The following PRLR variants were observed in gnomAD, a reference collection of about 807,000 sequenced individuals.
PRLR encodes the protein prolactin receptor, also known as hPRL receptor.
Under a neutral mutation model 40.2 loss-of-function variants are expected in PRLR, and 13 were observed. The ratio of observed to expected loss-of-function variants is 0.32; its 90% CI spans 0.21 to 0.51. PRLR has a LOEUF of 0.51. PRLR is among the 20% of genes least tolerant of loss of function. PRLR has a pLI of 0.97. For synonymous variants in PRLR, 269 were observed against 278.7 expected (o/e 0.97, Z 0.35); for missense variants, 656 against 747.3 (o/e 0.88, Z 1.42).
chr5:35,102,107 C>T (rs533818546), intron 2 of PRLR, among the ~76,000 whole-genome samples: 7 of 152,178 alleles, frequency 4.6e-5, no homozygotes, highest in South Asian at 2.1e-4. Context: ...TGATTACAGA[C>T]GTGAGCCACC....
At position 35,056,049 on chromosome 5, in the gene PRLR, T is replaced by A. The variant is rs1403650643; in HGVS notation, c.*9040A>T. On this transcript the variant is annotated 3_prime_UTR_variant, in exon 10 of 10. Coordinates refer to ENST00000618457, the MANE Select transcript of PRLR (RefSeq NM_000949.7). ...CATGCGGTGTTTTATTTGACCCACATCCTCTTTCCTTTTCTTAAGAAAATA... is the reference window on the plus strand; with the variant it reads ...CATGCGGTGTTTTATTTGACCCACAACCTCTTTCCTTTTCTTAAGAAAATA... 6.6e-6 allele frequency: 1 copy of A among 152,214 alleles called. No individual in the cohort carries two copies. The highest frequency in any genetic ancestry group is 1.5e-5 in the Non-Finnish European group (1 of 68,036). The allele number at this position is 152,214 out of a possible 1,614,324, so 9.4% of individuals were successfully genotyped here.
chr5:35,105,727 G>A (rs528753871), intron 2 of PRLR, among the ~76,000 whole-genome samples: 2 of 152,330 alleles, frequency 1.3e-5, no homozygotes, highest in African/African-American at 4.8e-5. Context: ...GGGACTATGT[G>A]AAAAGACCAA....
intron 1 of PRLR, among the ~76,000 whole-genome samples, chr5:35,221,034 C>T (rs1776403761): frequency 6.6e-6 from 1 of 152,138 alleles, no homozygotes; most frequent in Non-Finnish European, 1.5e-5. Context: ...ATGAGTACCC[C>T]AGCCTACTCT....
chr5:35,181,452 G>GTGTC (rs1775294686), intron 1 of PRLR, among the ~76,000 whole-genome samples: 1 of 152,162 alleles, frequency 6.6e-6, no homozygotes, highest in Non-Finnish European at 1.5e-5. Context: ...ATTATATCAT[G>GTGTC]TGTCCATTAA....
At chr5:35,131,752 G>A (rs1190211252) in intron 1 of PRLR, among the ~76,000 whole-genome samples, 1 of 152,144 alleles carries the variant, frequency 6.6e-6, no homozygotes, top group Admixed American at 6.5e-5. Flanking sequence ...AGGCTCAAGT[G>A]AAGTTATCAC....
At chr5:35,150,299 AT>A (rs1266877383) in intron 1 of PRLR, among the ~76,000 whole-genome samples, 1 of 152,160 alleles carries the variant, frequency 6.6e-6, no homozygotes, top group Non-Finnish European at 1.5e-5. Flanking sequence ...TCAGAAACAC[AT>A]TTTTTTCTAA....
At chr5:35,151,978 T>C (rs1774354635) in intron 1 of PRLR, among the ~76,000 whole-genome samples, 1 of 152,230 alleles carries the variant, frequency 6.6e-6, no homozygotes, top group Admixed American at 6.5e-5. Context: ...TGGGCTTGTT[T>C]GTTACCACAC....
chr5:35,068,772 G>T lies in PRLR; in HGVS notation c.785+7C>A. On this transcript the variant is annotated splice_region_variant and intron_variant, in intron 8 of 9. Transcript: ENST00000618457. ...TTGGGAGGAAAAGTTGAGAGACAGT[G>T]AAGTACCTATAGCCCTTCAAAGCCA... 1 of 1,576,354 alleles carries T rather than the reference G, an allele frequency of 6.3e-7. No individual in the cohort carries two copies. Among genetic ancestry groups the T allele is most frequent in the Non-Finnish European group, 8.7e-7 (1 of 1,146,952 alleles).
In PRLR at chr5:35,057,165, T is replaced by C. The variant is rs529821323; in HGVS notation, c.*7924A>G. On this transcript the variant is annotated 3_prime_UTR_variant, in exon 10 of 10. Transcript: ENST00000618457. ...CTTATTGGATCTCCTTGTATCTGGT[T>C]CCATCTCCCCTCATTTTTCTCAGCC... 8.5e-5 allele frequency: 13 copies of C among 152,192 alleles called. No homozygotes were observed. Among genetic ancestry groups the C allele is most frequent in the Non-Finnish European group, 1.8e-4 (12 of 68,030 alleles). 9.4% of individuals were successfully genotyped at this position (152,192 alleles called of 1,614,324 possible).
intron 3 of PRLR, among the ~76,000 whole-genome samples, chr5:35,087,422 TTGTGTG>T (rs10691744): frequency 7.9e-4 from 112 of 140,924 alleles, no homozygotes; most frequent in African/African-American, 2.7e-3. Flanking sequence ...TCTCTTTCCT[TTGTGTG>T]TGTGTGTGTG....
intron 1 of PRLR, among the ~76,000 whole-genome samples, chr5:35,124,408 G>T (rs1156530463): frequency 1.3e-5 from 2 of 152,028 alleles, no homozygotes; most frequent in African/African-American, 2.4e-5. Flanking sequence ...AATCCTAGAG[G>T]GGTTAGCAAC....
intron 2 of PRLR, among the ~76,000 whole-genome samples, chr5:35,113,192 A>G (rs1032381629): frequency 2.1e-5 from 3 of 144,092 alleles, no homozygotes; most frequent in Non-Finnish European, 4.5e-5. Flanking sequence ...CCACCCATCT[A>G]TCCATCCATC....
At chr5:35,229,825 T>C (rs1257658649) in intron 1 of PRLR, among the ~76,000 whole-genome samples, 1 of 152,114 alleles carries the variant, frequency 6.6e-6, no homozygotes, top group Non-Finnish European at 1.5e-5. Context: ...TCACATCACC[T>C]GTCTGCGCCC....
chr5:35,219,606 C>T (rs1439767305), intron 1 of PRLR, among the ~76,000 whole-genome samples: 4 of 152,110 alleles, frequency 2.6e-5, no homozygotes, highest in Admixed American at 2.0e-4. Context: ...GCCAAAGTGT[C>T]AAAACACTCA....
intron 1 of PRLR, among the ~76,000 whole-genome samples, chr5:35,161,646 G>A (rs1286894829): frequency 2.0e-5 from 3 of 152,224 alleles, no homozygotes; most frequent in Non-Finnish European, 4.4e-5. Flanking sequence ...CCAGTAAAAG[G>A]AGATGCATTA....
At chr5:35,086,979 C>T (rs1383213928) in intron 3 of PRLR, among the ~76,000 whole-genome samples, 1 of 152,022 alleles carries the variant, frequency 6.6e-6, no homozygotes, top group African/African-American at 2.4e-5. Flanking sequence ...TCCTTTCCTT[C>T]CCCTTTCCCT....
chr5:35,114,459 T>C (rs187686932), intron 2 of PRLR, among the ~76,000 whole-genome samples: 234 of 152,330 alleles, frequency 1.5e-3, no homozygotes, highest in African/African-American at 5.4e-3. Flanking sequence ...GCTTGATAAA[T>C]GCTCCACCAT....
chr5:35,050,228 C>T (rs533926424), intron 8 of PRLR, among the ~76,000 whole-genome samples: 17 of 152,270 alleles, frequency 1.1e-4, no homozygotes, highest in Admixed American at 1.0e-3. Context: ...GATGTTTGTT[C>T]TTTTGAACTC....
intron 1 of PRLR, among the ~76,000 whole-genome samples, chr5:35,194,243 G>A (rs1049164328): frequency 6.6e-6 from 1 of 152,166 alleles, no homozygotes. Context: ...AAAGTGCTGG[G>A]CTCTCAGGAT....
Sources: allele counts gnomAD v4.1 joint callset (sites outside exome capture counted in the v4.1 genomes callset), GRCh38; gene constraint gnomAD v4.1.1; transcripts MANE v1.5; gene names NCBI Gene and HGNC (gene_info 2026-07-23, HGNC 2026-07-21).